The following AGBL2 variants were observed in gnomAD, a reference collection of about 807,000 sequenced individuals.
The protein encoded by AGBL2 is cytosolic carboxypeptidase 2.
Under a neutral mutation model 103.0 loss-of-function variants are expected in AGBL2, and 87 were observed. That is an observed-to-expected ratio of 0.84 (90% CI 0.71 to 1.01). The LOEUF is 1.01. Ranked by LOEUF, AGBL2 falls within the 50% of genes least tolerant of loss-of-function variation. AGBL2 has a pLI of 0.00. For synonymous variants in AGBL2, 335 were observed against 356.7 expected (o/e 0.94, Z 0.69); for missense variants, 904 against 1,023.5 (o/e 0.88, Z 1.59).
At position 47,713,262 on chromosome 11, in the gene AGBL2, T is replaced by G. The variant is rs547281338; in HGVS notation, c.97+1022A>C. On this transcript the variant is annotated intron_variant, in intron 3 of 18. Coordinates refer to ENST00000525123, the MANE Select transcript of AGBL2 (RefSeq NM_024783.4). ...GGGAGGCTGAGGCAGGAGAATCTCTTGAACCCAGGAGGTGGAGGTCGCAGT... is the reference window on the plus strand; with the variant it reads ...GGGAGGCTGAGGCAGGAGAATCTCTGGAACCCAGGAGGTGGAGGTCGCAGT... 4.6e-5 allele frequency among the ~76,000 whole-genome samples: 7 copies of G among 151,024 alleles called. No homozygotes were observed. In the East Asian group the frequency reaches 1.4e-3, roughly 30 times the overall value.
At chr11:47,680,154 T>C in intron 12 of AGBL2, 81 bp from the exon 13 acceptor site, 1 of 955,520 alleles carries the variant, frequency 1.0e-6, no homozygotes, top group South Asian at 1.5e-5. Flanking sequence ...ATTATCTTTT[T>C]AAAAATACCA....
chr11:47,666,531 T>A, intron 17 of AGBL2: 1 of 360,008 alleles, frequency 2.8e-6, no homozygotes, highest in Non-Finnish European at 4.9e-6. Context: ...TGCTGAAATC[T>A]CCACCAGATT....
At position 47,685,955 on chromosome 11, in the gene AGBL2, G is replaced by A. The variant is rs377387294; in HGVS notation, c.1726C>T (p.Arg576Cys). The A allele has an allele frequency of 3.7e-6, 6 of 1,613,870 alleles. No individual in the cohort carries two copies. The highest frequency in any genetic ancestry group is 3.3e-5 in the Admixed American group (2 of 59,950). ...IFLYGCNNNN[R>C]KYWLHERVFP... The stretch of plus-strand genomic sequence containing the variant: ...ACTCGTTCATGAAGCCAGTATTTGC[G>A]ATTGTTGTTATTACAGCCATACAGG... Residue 576 changes from arginine to cysteine, a missense_variant, in exon 11 of 19, where the codon CGC becomes TGC. Coordinates refer to ENST00000525123, the MANE Select transcript of AGBL2 (RefSeq NM_024783.4).
chr11:47,670,666 G>A (rs1301057304), intron 14 of AGBL2, among the ~76,000 whole-genome samples: 1 of 150,392 alleles, frequency 6.6e-6, no homozygotes, highest in Non-Finnish European at 1.5e-5. Context: ...AGACCAGACT[G>A]GGCAACACAG....
At chr11:47,686,117 G>A (rs926633161) in intron 10 of AGBL2, 68 bp from the exon 11 acceptor site, 1 of 1,515,928 alleles carries the variant, frequency 6.6e-7, no homozygotes, top group African/African-American at 1.4e-5. Flanking sequence ...GGATCATTTG[G>A]TATCTCTTCC....
intron 15 of AGBL2, among the ~76,000 whole-genome samples, chr11:47,668,513 AG>A (rs2097347874): frequency 6.6e-6 from 1 of 152,122 alleles, no homozygotes; most frequent in South Asian, 2.1e-4. Flanking sequence ...AAAAACACAA[AG>A]GGGCACTTAT....
In AGBL2 at chr11:47,714,558, T is replaced by G. The variant is rs952482520; in HGVS notation, c.33+60A>C. On this transcript the variant is annotated intron_variant, in intron 2 of 18. Transcript: ENST00000525123. ...CATCTAGTAGCAGATTTCTGTGGAGTTCCCGAAGAAATGGAGTTCCCCGAA... is the reference window on the plus strand; with the variant it reads ...CATCTAGTAGCAGATTTCTGTGGAGGTCCCGAAGAAATGGAGTTCCCCGAA... The G allele has an allele frequency of 1.9e-6, 3 of 1,563,842 alleles. No homozygotes were observed. The African/African-American group carries it at 4.1e-5, about 21-fold the overall frequency.
chr11:47,673,564 G>A (rs1365360675), intron 14 of AGBL2, among the ~76,000 whole-genome samples: 1 of 151,922 alleles, frequency 6.6e-6, no homozygotes, highest in African/African-American at 2.4e-5. Context: ...GGTGGAGACT[G>A]CAGTGAGCCG....
intron 18 of AGBL2, 68 bp downstream of exon 18, chr11:47,662,958 A>G: frequency 4.7e-6 from 6 of 1,287,600 alleles, no homozygotes; most frequent in Non-Finnish European, 6.7e-6. Context: ...AAATCACATA[A>G]TACATTTGAG....
intron 10 of AGBL2, 33 bp from the exon 11 acceptor site, chr11:47,686,082 C>T (rs745990749): frequency 4.4e-6 from 7 of 1,593,946 alleles, no homozygotes; most frequent in Admixed American, 1.8e-5. Flanking sequence ...ACTCAGTGGA[C>T]ACCCAAATGC....
rs766588190 is a variant in AGBL2 at position 47,667,723 on chromosome 11, C to A, written c.2215-27G>T. 5 of 1,603,218 alleles carry A rather than the reference C, an allele frequency of 3.1e-6. No individual in the cohort carries two copies. The South Asian group carries it at 4.4e-5, about 14-fold the overall frequency. On this transcript the variant is annotated intron_variant, in intron 15 of 18. Transcript: ENST00000525123. Reference sequence around the variant, plus strand: ...TATTCCAGAAAGTAGAGAAACTGGTCATTGAAGATTCCAGAACTAGGCCCA... The same window carrying A: ...TATTCCAGAAAGTAGAGAAACTGGTAATTGAAGATTCCAGAACTAGGCCCA...
intron 14 of AGBL2, among the ~76,000 whole-genome samples, chr11:47,671,928 T>G (rs1237653321): frequency 2.6e-5 from 4 of 152,152 alleles, no homozygotes; most frequent in African/African-American, 9.7e-5. Context: ...CTGCTTTCCT[T>G]TGCAATCGTG....
chr11:47,676,859 A>G (rs1046320621), intron 14 of AGBL2, among the ~76,000 whole-genome samples: 1 of 151,160 alleles, frequency 6.6e-6, no homozygotes, highest in Admixed American at 6.6e-5. Flanking sequence ...TCAAACCATG[A>G]TATTTCTCTA....
chr11:47,707,513 G>C (rs1169948925), intron 4 of AGBL2, among the ~76,000 whole-genome samples: 1 of 152,138 alleles, frequency 6.6e-6, no homozygotes, highest in Admixed American at 6.6e-5. Flanking sequence ...CTGATCTCGT[G>C]AGACTTATTC....
chr11:47,700,905 A>G (rs2097496144), intron 7 of AGBL2, among the ~76,000 whole-genome samples: 1 of 149,458 alleles, frequency 6.7e-6, no homozygotes, highest in African/African-American at 2.5e-5. Context: ...ATTAAAAAAT[A>G]CAAAAATTAG....
intron 7 of AGBL2, among the ~76,000 whole-genome samples, chr11:47,700,045 C>T (rs941482797): frequency 6.6e-6 from 1 of 151,990 alleles, no homozygotes; most frequent in Non-Finnish European, 1.5e-5. Context: ...GCAACCTCCG[C>T]CTCCCGGGTT....
intron 14 of AGBL2, among the ~76,000 whole-genome samples, chr11:47,675,269 C>T (rs1284683332): frequency 1.4e-5 from 2 of 141,286 alleles, no homozygotes; most frequent in African/African-American, 5.2e-5. Context: ...AGTACACTAG[C>T]GCGGCCATAC....
chr11:47,675,339 C>G (rs2097371129), intron 14 of AGBL2, among the ~76,000 whole-genome samples: 1 of 144,714 alleles, frequency 6.9e-6, no homozygotes, highest in Admixed American at 7.1e-5. Flanking sequence ...TCTTAAGTAG[C>G]TAGGACTACA....
chr11:47,681,823 T>C (rs2097402500), intron 12 of AGBL2, 146 bp downstream of exon 12: 7 of 970,254 alleles, frequency 7.2e-6, no homozygotes, highest in Non-Finnish European at 9.0e-6. Context: ...CATTCATATG[T>C]TGGGCACTCA....
Sources: gnomAD v4.1 joint callset for allele counts (sites outside exome capture counted in the v4.1 genomes callset) on GRCh38, gnomAD v4.1.1 for gene constraint, MANE v1.5 for transcripts, NCBI Gene and HGNC (gene_info 2026-07-23, HGNC 2026-07-21) for gene names.